The following ACACA variants were observed in gnomAD, a reference collection of about 807,000 sequenced individuals.
ACACA encodes the protein acetyl-CoA carboxylase alpha.
In ACACA, 103 loss-of-function variants were observed where a neutral mutation model predicts 296.1. The observed-to-expected ratio is 0.35, with a 90% CI of 0.30 to 0.41. ACACA has a LOEUF of 0.41. Ranked by LOEUF, ACACA falls within the 10% of genes least tolerant of loss-of-function variation. ACACA has a pLI of 1.00. For missense variants in ACACA, 1,554 were observed against 2,989.7 expected, an observed-to-expected ratio of 0.52 and a Z score of 11.20; for synonymous variants, 953 against 1,038.6, an observed-to-expected ratio of 0.92 and a Z score of 1.58.
intron 35 of ACACA, among the ~76,000 whole-genome samples, chr17:37,196,295 A>G (rs1450123316): frequency 1.3e-5 from 2 of 152,052 alleles, no homozygotes; most frequent in African/African-American, 4.8e-5. Flanking sequence ...TAAAAAAAAA[A>G]AGAAAAAAAG....
chr17:37,186,737 G>A (rs1188647377), intron 39 of ACACA, among the ~76,000 whole-genome samples: 1 of 152,060 alleles, frequency 6.6e-6, no homozygotes, highest in African/African-American at 2.4e-5. Context: ...TTTCCTTCAG[G>A]TTGAAGGTGG....
chr17:37,256,900 G>A (rs780511625), intron 14 of ACACA, among the ~76,000 whole-genome samples: 3 of 151,896 alleles, frequency 2.0e-5, no homozygotes, highest in African/African-American at 4.8e-5. Context: ...ACAGTACAAA[G>A]GTAAAGGGAA....
At chr17:37,177,218 G>A (rs1274265010) in intron 41 of ACACA, among the ~76,000 whole-genome samples, 3 of 150,664 alleles carry the variant, frequency 2.0e-5, no homozygotes, top group African/African-American at 4.9e-5. Context: ...TTCCACTAAG[G>A]TTTGTTAGGT....
At chr17:37,405,917 G>T (rs992604379) in intron 1 of ACACA, among the ~76,000 whole-genome samples, 6 of 128,024 alleles carry the variant, frequency 4.7e-5, no homozygotes, top group African/African-American at 1.5e-4. Context: ...AAGAATGAAA[G>T]GGTTCACACA....
intron 3 of ACACA, among the ~76,000 whole-genome samples, chr17:37,292,555 G>C (rs1233318412): frequency 1.3e-5 from 2 of 152,118 alleles, no homozygotes; most frequent in Non-Finnish European, 2.9e-5. Context: ...GAATAAAAAA[G>C]GATAAAGAGT....
intron 1 of ACACA, chr17:37,376,186 CAG>C: frequency 3.9e-6 from 6 of 1,550,686 alleles, no homozygotes; most frequent in South Asian, 3.3e-5. Flanking sequence ...CTGGAAAATA[CAG>C]AGAGAGGCCT....
chr17:37,346,384 G>T (rs2048619648), intron 1 of ACACA, among the ~76,000 whole-genome samples: 1 of 150,390 alleles, frequency 6.6e-6, no homozygotes, highest in East Asian at 1.9e-4. Flanking sequence ...GGTAGCAGAT[G>T]GGAGGAGGGA....
intron 3 of ACACA, among the ~76,000 whole-genome samples, chr17:37,294,290 T>A (rs894566738): frequency 2.0e-5 from 3 of 152,226 alleles, no homozygotes; most frequent in African/African-American, 7.2e-5. Flanking sequence ...CTAGTTTTAT[T>A]TTACTAATAA....
chr17:37,308,324 C>T (rs997014481), intron 3 of ACACA, among the ~76,000 whole-genome samples: 1 of 151,924 alleles, frequency 6.6e-6, no homozygotes, highest in African/African-American at 2.4e-5. Context: ...TGAGTGAATA[C>T]AGAGATGAAG....
In ACACA at chr17:37,243,512, G is replaced by C. The variant is rs2080524023; in HGVS notation, c.2790C>G (p.Ser930=). 2 of 1,613,962 alleles carry C rather than the reference G, an allele frequency of 1.2e-6. No homozygotes were observed. The highest frequency in any genetic ancestry group is 2.7e-5 in the African/African-American group (2 of 74,886). ...ERLMKTLRDP[S]LPLLELQDIM... ...TATCTTGCAATTCTAGGAGAGGCAGGGAGGGATCTCTGAGGGTTTTCATCA... is the reference window on the plus strand; with the variant it reads ...TATCTTGCAATTCTAGGAGAGGCAGCGAGGGATCTCTGAGGGTTTTCATCA... Residue 930 remains serine, a synonymous_variant, in exon 22 of 56, where the codon TCC becomes TCG. Coordinates refer to ENST00000616317, the MANE Select transcript of ACACA (RefSeq NM_198834.3).
chr17:37,122,227 G>A (rs932583495), intron 49 of ACACA, among the ~76,000 whole-genome samples: 3 of 152,146 alleles, frequency 2.0e-5, no homozygotes, highest in Non-Finnish European at 4.4e-5. Context: ...GAGAATAGGG[G>A]ACCAAAGAGC....
intron 1 of ACACA, among the ~76,000 whole-genome samples, chr17:37,389,715 C>A (rs77079163): frequency 6.6e-6 from 1 of 151,254 alleles, no homozygotes; most frequent in East Asian, 1.9e-4. Flanking sequence ...AAAAGAAAAA[C>A]AGAAAATGGG....
chr17:37,210,801 G>T (rs1007661372), intron 29 of ACACA, among the ~76,000 whole-genome samples: 3 of 148,250 alleles, frequency 2.0e-5, no homozygotes, highest in African/African-American at 7.5e-5. Context: ...TAAAACACAG[G>T]CTGATGAAAA....
At chr17:37,248,266 T>C (rs1385132423) in intron 17 of ACACA, 110 bp from the exon 18 acceptor site, 2 of 1,335,538 alleles carry the variant, frequency 1.5e-6, no homozygotes, top group African/African-American at 1.4e-5. Flanking sequence ...AGGAAGAAAA[T>C]TCATGGCACT....
intron 1 of ACACA, chr17:37,376,047 C>G (rs1169713778): frequency 6.5e-7 from 1 of 1,534,684 alleles, no homozygotes. Flanking sequence ...AGGGCTGTGA[C>G]AGATGAGCAG....
Position 37,263,870 on chromosome 17 carries a change from G to A in ACACA, c.1144C>T (p.Pro382Ser). ...RQVQAEVPGS[P>S]IFVMRLAKQS... ...TTGGCTAGTCTCATCACAAATATGG[G>A]AGATCCAGGAACTTCAGCTTGAACC... The change falls in exon 11 of 56, where the codon CCC becomes TCC. Residue 382 changes from proline to serine, a missense_variant. By Grantham distance (74) the Pro-to-Ser change is moderately conservative. Transcript: ENST00000616317. 1 of 1,613,822 alleles carries A rather than the reference G, an allele frequency of 6.2e-7. No homozygotes were observed. Among genetic ancestry groups the A allele is most frequent in the Non-Finnish European group, 8.5e-7 (1 of 1,179,962 alleles).
intron 29 of ACACA, among the ~76,000 whole-genome samples, chr17:37,213,169 A>T (rs902864381): frequency 2.0e-5 from 3 of 151,548 alleles, no homozygotes; most frequent in African/African-American, 7.3e-5. Flanking sequence ...ACACACACAC[A>T]CATACACACA....
At chr17:37,243,249 A>T (rs2080510229) in intron 22 of ACACA, 122 bp downstream of exon 22, 1 of 1,039,486 alleles carries the variant, frequency 9.6e-7, no homozygotes. Flanking sequence ...GAGGAATACA[A>T]TGCTTAAAAG....
intron 46 of ACACA, 135 bp from the exon 47 acceptor site, chr17:37,129,620 G>A (rs2074993092): frequency 8.2e-7 from 1 of 1,220,724 alleles, no homozygotes; most frequent in Non-Finnish European, 1.2e-6. Flanking sequence ...TCTTCAGCTG[G>A]AAGAATCCTA....
Sources: gnomAD v4.1 joint callset for allele counts (sites outside exome capture counted in the v4.1 genomes callset) on GRCh38, gnomAD v4.1.1 for gene constraint, MANE v1.5 for transcripts, NCBI Gene and HGNC (gene_info 2026-07-23, HGNC 2026-07-21) for gene names.